The following SIRPB1 variants were observed in gnomAD, a reference collection of about 807,000 sequenced individuals.
SIRPB1 encodes the protein signal-regulatory protein beta-1.
In SIRPB1, 28 loss-of-function variants were observed where a neutral mutation model predicts 34.1. The observed-to-expected ratio is 0.82, with a 90% CI of 0.61 to 1.12. The LOEUF is 1.12. Among genes scored for constraint, SIRPB1 ranks in the 50% most tolerant of loss-of-function variants. The probability of loss-of-function intolerance (pLI) is 0.00; values close to 1 mark genes in which losing one functional copy is unlikely to be tolerated. For synonymous variants in SIRPB1, 211 were observed against 203.8 expected, an observed-to-expected ratio of 1.04 and a Z score of -0.30; for missense variants, 499 against 507.0, an observed-to-expected ratio of 0.98 and a Z score of 0.15.
chr20:1,613,856 G>T (rs1024607272), intron 1 of SIRPB1, among the ~76,000 whole-genome samples: 1 of 152,166 alleles, frequency 6.6e-6, no homozygotes, highest in Non-Finnish European at 1.5e-5. Flanking sequence ...TCACAGACTA[G>T]ATAAAATACA....
intron 1 of SIRPB1, among the ~76,000 whole-genome samples, chr20:1,615,435 A>C (rs2091616041): frequency 6.6e-6 from 1 of 152,226 alleles, no homozygotes; most frequent in African/African-American, 2.4e-5. Context: ...TCCCAAAGCC[A>C]GACTCTGCTT....
At chr20:1,572,748 C>T (rs1023787626) in intron 2 of SIRPB1, among the ~76,000 whole-genome samples, 6 of 151,304 alleles carry the variant, frequency 4.0e-5, no homozygotes, top group Non-Finnish European at 5.9e-5. Flanking sequence ...TTCGTTCTGT[C>T]AAATAAAAGG....
rs1368927291 is a variant in SIRPB1 at position 1,605,871 on chromosome 20, A to T, written c.76+13998T>A. The T allele has an allele frequency of 1.1e-5, 2 of 187,266 alleles. 1 individual carries two copies. The highest frequency in any genetic ancestry group is 4.1e-4 in the East Asian group (2 of 4,852). 11.6% of individuals were successfully genotyped at this position (187,266 alleles called of 1,614,324 possible). On this transcript the variant is annotated intron_variant, in intron 1 of 5. Transcript: ENST00000381605. ...CACCTGCTAGAGGTCAAGCCACAGG[A>T]TGTTGCAGTAGATAGACCTGGATAA...
chr20:1,578,530 G>C lies in SIRPB1; in HGVS notation c.241C>G (p.Gln81Glu). The change falls in exon 2 of 6, where the codon CAG becomes GAG. Residue 81 changes from glutamine (Q) to glutamate (E), a missense_variant. Transcript: ENST00000381605. The part of the protein sequence containing the change: ...AGAGRELIYN[Q>E]KEGHFPRVTT... ...ACCCGTGGGAAGTGGCCTTCTTTCTGATTGTAGATTAATTCCCGGCCTGCT... is the reference window on the plus strand; with the variant it reads ...ACCCGTGGGAAGTGGCCTTCTTTCTCATTGTAGATTAATTCCCGGCCTGCT... The C allele has an allele frequency of 1.3e-6, 2 of 1,583,946 alleles. No individual in the cohort carries two copies. The highest frequency in any genetic ancestry group is 1.7e-6 in the Non-Finnish European group (2 of 1,157,660).
Position 1,598,196 on chromosome 20 carries a change from T to C in SIRPB1, c.77-19502A>G. 2 of 371,112 alleles carry C rather than the reference T, an allele frequency of 5.4e-6. 1 individual carries two copies. The highest frequency in any genetic ancestry group is 6.2e-6 in the Non-Finnish European group (2 of 324,812). 23.0% of individuals were successfully genotyped at this position (371,112 alleles called of 1,614,324 possible). On this transcript the variant is annotated intron_variant, in intron 1 of 5. Transcript: ENST00000381605. ...AGGAGGGAAGGAGCTGTGGGTAACA[T>C]GTCCATATTTAATCATCTGCTCATC...
chr20:1,611,325 T>C (rs45551235), intron 1 of SIRPB1: 1 of 833,068 alleles, frequency 1.2e-6, no homozygotes. Context: ...TGTCACACAC[T>C]AGGGGATGAA....
Position 1,565,125 on chromosome 20 carries a change from G to A in SIRPB1, c.*375C>T. Reference sequence around the variant, plus strand: ...GTAGAGAACCTCAACAAGGCTGGGGGAGTTGGGGTAGGCAGGAATCCAGAA... The same window carrying A: ...GTAGAGAACCTCAACAAGGCTGGGGAAGTTGGGGTAGGCAGGAATCCAGAA... On this transcript the variant is annotated 3_prime_UTR_variant, in exon 6 of 6. Coordinates refer to ENST00000381605, the MANE Select transcript of SIRPB1 (RefSeq NM_006065.5). 1 of 398,550 alleles carries A rather than the reference G, an allele frequency of 2.5e-6. No homozygotes were observed. Among genetic ancestry groups the A allele is most frequent in the Non-Finnish European group, 4.4e-6 (1 of 226,194 alleles). 24.7% of individuals were successfully genotyped at this position (398,550 alleles called of 1,614,324 possible).
intron 3 of SIRPB1, 137 bp from the exon 4 acceptor site, chr20:1,571,274 G>A (rs2091232423): frequency 1.1e-6 from 1 of 911,480 alleles, no homozygotes; most frequent in Admixed American, 2.9e-5. Flanking sequence ...CTCAGACATT[G>A]AGGGCACTCG....
At chr20:1,577,122 C>A (rs1006606581) in intron 2 of SIRPB1, among the ~76,000 whole-genome samples, 1 of 148,216 alleles carries the variant, frequency 6.7e-6, no homozygotes, top group African/African-American at 2.4e-5. Context: ...TTCTAGTCAC[C>A]AATGAGCTTT....
chr20:1,565,711 T>C (rs1317566861), intron 5 of SIRPB1, among the ~76,000 whole-genome samples: 1 of 150,764 alleles, frequency 6.6e-6, no homozygotes, highest in Non-Finnish European at 1.5e-5. Flanking sequence ...TTCCCCGCTT[T>C]CCACTCAAGC....
Position 1,603,998 on chromosome 20 carries a change from G to C in SIRPB1, c.76+15871C>G. 3.3e-6 allele frequency: 2 copies of C among 610,108 alleles called. 1 individual carries two copies. The highest frequency in any genetic ancestry group is 1.1e-3 in the Middle Eastern group (2 of 1,740). 37.8% of individuals were successfully genotyped at this position (610,108 alleles called of 1,614,324 possible). ...ACCATCCTTGTTTTCTGTAAGGGTT[G>C]AGGCCGTTTCTGTCCTGGACACGTT... On this transcript the variant is annotated intron_variant, in intron 1 of 5. Coordinates refer to ENST00000381605, the MANE Select transcript of SIRPB1 (RefSeq NM_006065.5).
chr20:1,618,469 A>G (rs918356480), intron 1 of SIRPB1, among the ~76,000 whole-genome samples: 4 of 152,232 alleles, frequency 2.6e-5, no homozygotes, highest in Non-Finnish European at 5.9e-5. Flanking sequence ...CAGCTTTCAC[A>G]CAGGGATGTT....
rs2091104795 is a variant in SIRPB1, at chr20:1,564,662, T to C, written c.*838A>G. Reference sequence around the variant, plus strand: ...GCTTGGACTGGGCCCTGAAAACCAATTGTTAAATTTCAGGAATCTTGCAAT... The same window carrying C: ...GCTTGGACTGGGCCCTGAAAACCAACTGTTAAATTTCAGGAATCTTGCAAT... On this transcript the variant is annotated 3_prime_UTR_variant, in exon 6 of 6. Transcript: ENST00000381605. The C allele has an allele frequency of 5.7e-6, 2 of 351,152 alleles. No homozygotes were observed. The highest frequency in any genetic ancestry group is 1.5e-4 in the South Asian group (1 of 6,560). The allele number at this position is 351,152 out of a possible 1,614,324, so 21.8% of individuals were successfully genotyped here.
chr20:1,562,442 C>T lies in SIRPB1; in HGVS notation c.*3058G>A, dbSNP rs905349555. On this transcript the variant is annotated 3_prime_UTR_variant, in exon 6 of 6. Coordinates refer to ENST00000381605, the MANE Select transcript of SIRPB1 (RefSeq NM_006065.5). ...GAGGATACAGATAATCCTCCCCCACCCCCAACCCCCCACGATATAACTGAC... is the reference window on the plus strand; with the variant it reads ...GAGGATACAGATAATCCTCCCCCACTCCCAACCCCCCACGATATAACTGAC... 2.1e-4 allele frequency among the ~76,000 whole-genome samples: 32 copies of T among 151,824 alleles called. No individual in the cohort carries two copies. The highest frequency in any genetic ancestry group is 6.5e-4 in the African/African-American group (27 of 41,312).
At chr20:1,568,501 C>T (rs985580714) in intron 4 of SIRPB1, among the ~76,000 whole-genome samples, 1 of 152,180 alleles carries the variant, frequency 6.6e-6, no homozygotes, top group Non-Finnish European at 1.5e-5. Context: ...CAACCTTGTC[C>T]AGATGGTACA....
chr20:1,571,077 G>A lies in SIRPB1; in HGVS notation c.812C>T (p.Thr271Ile). The A allele has an allele frequency of 6.2e-7, 1 of 1,614,158 alleles. No homozygotes were observed. Among genetic ancestry groups the A allele is most frequent in the Non-Finnish European group, 8.5e-7 (1 of 1,179,982 alleles). Residue 271 changes from threonine to isoleucine, a missense_variant, in exon 4 of 6, where the codon ACC (threonine) becomes ATC (isoleucine). Physicochemically the swap from Thr to Ile is moderately conservative, Grantham distance 89 (BLOSUM62 -1). Transcript: ENST00000381605. Reference protein sequence around the residue: ...PMRAENQANVTCQVSNFYPRG... With the variant: ...PMRAENQANVICQVSNFYPRG... ...GGGGTAGAAATTGCTCACCTGGCAG[G>A]TGACGTTTGCCTGGTTCTCTGCCCT...
chr20:1,568,817 TA>T (rs1319025120), intron 4 of SIRPB1, among the ~76,000 whole-genome samples: 1,946 of 142,336 alleles, frequency 0.014, 51 homozygotes, highest in African/African-American at 0.045. Flanking sequence ...GGAATTAATT[TA>T]AAAAAAAAAA....
intron 2 of SIRPB1, among the ~76,000 whole-genome samples, chr20:1,574,830 G>GAA (rs1182349594): frequency 1.4e-5 from 1 of 71,468 alleles, no homozygotes; most frequent in African/African-American, 6.7e-5. Flanking sequence ...CTTGTCCCAG[G>GAA]TCACAGAGCC....
At chr20:1,577,672 G>A (rs2091335567) in intron 2 of SIRPB1, among the ~76,000 whole-genome samples, 1 of 146,654 alleles carries the variant, frequency 6.8e-6, no homozygotes. Context: ...CACAGCAAAT[G>A]CCAAACATAT....
Sources: allele counts gnomAD v4.1 joint callset (sites outside exome capture counted in the v4.1 genomes callset), GRCh38; gene constraint gnomAD v4.1.1; transcripts MANE v1.5; gene names NCBI Gene and HGNC (gene_info 2026-07-23, HGNC 2026-07-21).